GRM4: variants seen among roughly 807,000 people sequenced by gnomAD.
GRM4 encodes the protein glutamate metabotropic receptor 4.
A neutral mutation model predicts 81.7 loss-of-function variants in GRM4; 28 were observed. That is an observed-to-expected ratio of 0.34 (90% CI 0.25 to 0.47). The LOEUF (loss-of-function observed/expected upper bound fraction) is 0.47. Among genes scored for constraint, GRM4 ranks in the 20% least tolerant of loss-of-function variants. GRM4 has a pLI of 1.00. For missense variants in GRM4, 948 were observed against 1,290.0 expected (o/e 0.73, Z 4.06); for synonymous variants, 488 against 528.8 (o/e 0.92, Z 1.06).
rs1024286740 is a variant in GRM4 at position 34,068,725 on chromosome 6, A to G, written c.737-6697T>C. Among the ~76,000 whole-genome samples the G allele has an allele frequency of 2.6e-5, 4 of 151,632 alleles. No homozygotes were observed. The highest frequency in any genetic ancestry group is 9.7e-5 in the African/African-American group (4 of 41,306). On this transcript the variant is annotated intron_variant, in intron 3 of 10. Transcript: ENST00000538487. This position sits in a 1 kb window ranked among gnomAD's most constrained non-coding sequence, Gnocchi z 4.2. ...AGCCGGCTTGTGCCCTGCCTCACCC[A>G]CTCCCTGCTGTGGGGAGACAGTCAG... is the stretch of plus-strand genomic sequence containing the variant.
intron 1 of GRM4, among the ~76,000 whole-genome samples, chr6:34,134,644 C>CCT (rs1434765549): frequency 1.3e-5 from 2 of 151,978 alleles, no homozygotes; most frequent in Non-Finnish European, 2.9e-5. Flanking sequence ...GAGGAGCAGG[C>CCT]CTCCATTCAG....
At position 34,040,687 on chromosome 6, in the gene GRM4, G is replaced by C. The variant is rs144608064; in HGVS notation, c.1230C>G (p.Ile410Met). 66 of 1,614,050 alleles carry C rather than the reference G, an allele frequency of 4.1e-5. No individual in the cohort carries two copies. The African/African-American group carries it at 8.1e-4, about 20-fold the overall frequency. ...CGTGGCCCATGGCGTACACGGCATC[G>C]ATCACAAACTGCACCTTCCCCTCCT... ...YEQEGKVQFV[I>M]DAVYAMGHAL... is the part of the protein sequence containing the mutation. The change falls in exon 7 of 11, where the codon ATC becomes ATG. Residue 410 changes from isoleucine to methionine, a missense_variant. Physicochemically the swap from Ile to Met is conservative, Grantham distance 10. Coordinates refer to ENST00000538487, the MANE Select transcript of GRM4 (RefSeq NM_000841.4).
At chr6:34,140,384 C>A (rs528534760) in intron 1 of GRM4, among the ~76,000 whole-genome samples, 1 of 152,208 alleles carries the variant, frequency 6.6e-6, no homozygotes, top group South Asian at 2.1e-4. Flanking sequence ...ACCTTATCGA[C>A]CACGGTGTGG....
At position 34,130,932 on chromosome 6, in the gene GRM4, G is replaced by A. The variant is rs1199248552; in HGVS notation, c.519+2046C>T. On this transcript the variant is annotated intron_variant, in intron 2 of 10. Transcript: ENST00000538487. The surrounding 1 kb of genome is among the most constrained non-coding windows in gnomAD (Gnocchi z 4.1). ...GTGGGGTGGCCTTCCTGGAGGCTGG[G>A]GATCTGTGCCCCACCCTGCCAGGCT... Among the ~76,000 whole-genome samples, 1 of 152,256 alleles carries A rather than the reference G, an allele frequency of 6.6e-6. No homozygotes were observed. The highest frequency in any genetic ancestry group is 1.5e-5 in the Non-Finnish European group (1 of 68,038).
Position 34,042,221 on chromosome 6 carries a change from G to A in GRM4, c.1169-1473C>T, listed in dbSNP as rs1562018942. Among the ~76,000 whole-genome samples the A allele has an allele frequency of 6.6e-6, 1 of 152,218 alleles. No individual in the cohort carries two copies. Among genetic ancestry groups the A allele is most frequent in the African/African-American group, 2.4e-5 (1 of 41,452 alleles). ...GCGGAGCTTGCAGTGAGCTGAGATT[G>A]CACCATTGCACTCCAGCCTGAGCGA... On this transcript the variant is annotated intron_variant, in intron 6 of 10. Transcript: ENST00000538487. This position sits in a 1 kb window ranked among gnomAD's most constrained non-coding sequence, Gnocchi z 4.2.
chr6:34,144,154 C>A (rs1000519417), intron 1 of GRM4, among the ~76,000 whole-genome samples: 13 of 152,348 alleles, frequency 8.5e-5, no homozygotes, highest in Admixed American at 3.9e-4. Context: ...AGGGGGCGCT[C>A]GTACGTTCGG....
Position 34,059,499 on chromosome 6 carries a change from C to T in GRM4, c.873-371G>A, listed in dbSNP as rs959478422. ...TCTGCCCAGCCCCGGTCCCCTGAGA[C>T]GCATGCCTTCCTGGCTCATCCACCC... is the stretch of plus-strand genomic sequence containing the variant. On this transcript the variant is annotated intron_variant, in intron 4 of 10. Transcript: ENST00000538487. This position sits in a 1 kb window ranked among gnomAD's most constrained non-coding sequence, Gnocchi z 5.7. 12 of 283,640 alleles carry T rather than the reference C, an allele frequency of 4.2e-5. No homozygotes were observed. Among genetic ancestry groups the T allele is most frequent in the South Asian group, 3.3e-4 (7 of 21,332 alleles). The allele number at this position is 283,640 out of a possible 1,614,324, so 17.6% of individuals were successfully genotyped here. A position where few individuals can be genotyped will look rare whatever the true frequency, so the allele number is the denominator to read the frequency against.
At position 34,092,039 on chromosome 6, in the gene GRM4, AGTC is replaced by A; in HGVS notation, c.577_579del (p.Asp193del). On this transcript the variant is annotated inframe_deletion, in exon 3 of 11. Transcript: ENST00000538487. The surrounding 1 kb of genome is among the most constrained non-coding windows in gnomAD (Gnocchi z 6.8). ...TCCGAGGGCACCACGCGGGAGAAGA[AGTC>A]GTAGCGGCTGTTGTCACTCAGGTCT... The A allele has an allele frequency of 6.2e-7, 1 of 1,614,004 alleles. No individual in the cohort carries two copies. Among genetic ancestry groups the A allele is most frequent in the Non-Finnish European group, 8.5e-7 (1 of 1,179,886 alleles).
At chr6:34,049,662 C>T (rs573027234) in intron 6 of GRM4, among the ~76,000 whole-genome samples, 1 of 152,122 alleles carries the variant, frequency 6.6e-6, no homozygotes, top group South Asian at 2.1e-4. Context: ...TCCCGCCCAC[C>T]CCATCGTAGT....
intron 2 of GRM4, among the ~76,000 whole-genome samples, chr6:34,096,434 G>A (rs758356717): frequency 1.3e-5 from 2 of 152,096 alleles, no homozygotes; most frequent in Non-Finnish European, 2.9e-5. Context: ...CACTGAATGC[G>A]GCTGCCCCAA....
Position 34,061,821 on chromosome 6 carries a change from C to T in GRM4, c.872+72G>A, listed in dbSNP as rs143831770. 1.5e-3 allele frequency: 2,267 copies of T among 1,507,252 alleles called. 30 individuals are homozygous for T. The highest frequency in any genetic ancestry group is 2.9e-4 in the Non-Finnish European group (321 of 1,101,548). The allele number at this position is 1,507,252 out of a possible 1,614,324, so 93.4% of individuals were successfully genotyped here. A position where few individuals can be genotyped will look rare whatever the true frequency, so the allele number is the denominator to read the frequency against. ...CAGGCTCGCCTGGGAAGGTCTCCAG[C>T]AGGACAGGACCCGTGGCTTTGCCCA... is the stretch of plus-strand genomic sequence containing the variant. On this transcript the variant is annotated intron_variant, in intron 4 of 10. Transcript: ENST00000538487.
chr6:34,072,350 CCA>C (rs1292867606), intron 3 of GRM4, among the ~76,000 whole-genome samples: 123 of 147,746 alleles, frequency 8.3e-4, no homozygotes, highest in African/African-American at 3.0e-3. Context: ...TGGATGCACA[CCA>C]CACACACATC....
intron 2 of GRM4, chr6:34,105,885 G>C (rs1393352166): frequency 6.6e-6 from 1 of 152,088 alleles, no homozygotes; most frequent in African/African-American, 2.4e-5. Flanking sequence ...AATATTGTTG[G>C]CTCTACTTGA....
In GRM4 at chr6:34,152,693, A is replaced by C. The variant is rs1357362307; in HGVS notation, c.312+2386T>G. Among the ~76,000 whole-genome samples the C allele has an allele frequency of 1.3e-5, 2 of 152,190 alleles. No homozygotes were observed. ...CTGCATTTTAATGGCGTTTGATTGG[A>C]TCCGATGCGCTTTTAATTCCCTCCT... is the stretch of plus-strand genomic sequence containing the variant. On this transcript the variant is annotated intron_variant, in intron 1 of 8. Coordinates refer to the GRM4 transcript ENST00000374177. The surrounding 1 kb of genome is among the most constrained non-coding windows in gnomAD (Gnocchi z 4.1).
rs76638327 is a variant in GRM4 at position 34,074,175 on chromosome 6, T to C, written c.737-12147A>G. Among the ~76,000 whole-genome samples, 12,468 of 152,042 alleles carry C rather than the reference T, an allele frequency of 0.082. 1,094 individuals are homozygous for C. Among genetic ancestry groups the C allele is most frequent in the African/African-American group, 0.21 (8,738 of 41,470 alleles). The stretch of plus-strand genomic sequence containing the variant: ...ACATACGACAGCCAGACTAGTGTGA[T>C]ATGAGGAAGCGGAGTCTGGGCACAG... On this transcript the variant is annotated intron_variant, in intron 3 of 10. Coordinates refer to ENST00000538487, the MANE Select transcript of GRM4 (RefSeq NM_000841.4). The surrounding 1 kb of genome is among the most constrained non-coding windows in gnomAD (Gnocchi z 4.9).
At position 34,133,973 on chromosome 6, in the gene GRM4, A is replaced by G. The variant is rs992824723; in HGVS notation, c.-363-114T>C. The G allele has an allele frequency of 1.9e-5, 7 of 362,208 alleles. No individual in the cohort carries two copies. The highest frequency in any genetic ancestry group is 1.5e-4 in the African/African-American group (7 of 45,296). 22.4% of individuals were successfully genotyped at this position (362,208 alleles called of 1,614,324 possible). Reference sequence around the variant, plus strand: ...AGGAGATGCTAGAGGTTATCGCCGAAGATTCCATAAATCTCCTGAACTTGG... The same window carrying G: ...AGGAGATGCTAGAGGTTATCGCCGAGGATTCCATAAATCTCCTGAACTTGG... On this transcript the variant is annotated intron_variant, in intron 1 of 10. Transcript: ENST00000538487. This position sits in a 1 kb window ranked among gnomAD's most constrained non-coding sequence, Gnocchi z 6.5.
intron 4 of GRM4, chr6:34,060,952 C>T (rs1766149772): frequency 6.6e-6 from 1 of 152,344 alleles, no homozygotes; most frequent in Non-Finnish European, 1.5e-5. Context: ...CAGGGACCCA[C>T]CAATGGCCTG....
Position 34,056,551 on chromosome 6 carries a change from CTTCTTGACG to C in GRM4, c.1152_1160del (p.His384_Lys387delinsGln). Reference sequence around the variant, plus strand: ...CCCGGCCCGCGTGCTCACTGGTGCACTTCTTGACGTGGCTGCCCTTCTTGAGGGCGTGGC... The same window carrying C: ...CCCGGCCCGCGTGCTCACTGGTGCACTGGCTGCCCTTCTTGAGGGCGTGGC... On this transcript the variant is annotated inframe_deletion, in exon 6 of 11. Transcript: ENST00000538487. 6.2e-7 allele frequency: 1 copy of C among 1,613,000 alleles called. No homozygotes were observed. Among genetic ancestry groups the C allele is most frequent in the Non-Finnish European group, 8.5e-7 (1 of 1,179,746 alleles).
chr6:34,096,470 T>C lies in GRM4; in HGVS notation c.520-4371A>G, dbSNP rs542414968. 9.2e-5 allele frequency among the ~76,000 whole-genome samples: 14 copies of C among 152,296 alleles called. No homozygotes were observed. In the East Asian group the frequency reaches 2.7e-3, roughly 29 times the overall value. On this transcript the variant is annotated intron_variant, in intron 2 of 10. Coordinates refer to ENST00000538487, the MANE Select transcript of GRM4 (RefSeq NM_000841.4). ...GGGCACCAGGCACGTCCTCCCGGTG[T>C]TACTATTCTCTGCCTACTCATCAAT...
Sources: allele counts gnomAD v4.1 joint callset (sites outside exome capture counted in the v4.1 genomes callset), GRCh38; gene constraint gnomAD v4.1.1; non-coding constraint Gnocchi (gnomAD v3.1); transcripts MANE v1.5; gene names NCBI Gene and HGNC (gene_info 2026-07-23, HGNC 2026-07-21).